The following PPP1R9A variants were observed in gnomAD, a reference collection of about 807,000 sequenced individuals.
The protein encoded by PPP1R9A is neurabin-1.
PPP1R9A carries 59 observed loss-of-function variants against 141.9 expected under a neutral mutation model. The ratio of observed to expected loss-of-function variants is 0.42; its 90% CI spans 0.34 to 0.52. The LOEUF (loss-of-function observed/expected upper bound fraction) is 0.52. Among genes scored for constraint, PPP1R9A ranks in the 20% least tolerant of loss-of-function variants. PPP1R9A has a pLI of 0.10. For missense variants in PPP1R9A, 1,444 were observed against 1,611.9 expected (o/e 0.90, Z 1.78); for synonymous variants, 500 against 569.7 (o/e 0.88, Z 1.74).
Position 95,294,461 on chromosome 7 carries a change from G to A in PPP1R9A, c.*4158G>A, listed in dbSNP as rs532772138. 1.4e-4 allele frequency: 22 copies of A among 151,764 alleles called. No individual in the cohort carries two copies. Among genetic ancestry groups the A allele is most frequent in the Non-Finnish European group, 3.1e-4 (21 of 67,982 alleles). 9.4% of individuals were successfully genotyped at this position (151,764 alleles called of 1,614,324 possible). On this transcript the variant is annotated 3_prime_UTR_variant, in exon 20 of 20. Coordinates refer to ENST00000433360, the MANE Select transcript of PPP1R9A (RefSeq NM_001166160.2). ...AACATCCATATTTTCTATTAGAATG[G>A]TTTACATTATGATGGGGGATGGGGA... is the stretch of plus-strand genomic sequence containing the variant.
intron 2 of PPP1R9A, among the ~76,000 whole-genome samples, chr7:95,088,453 A>G (rs1816916845): frequency 6.6e-6 from 1 of 151,950 alleles, no homozygotes; most frequent in South Asian, 2.1e-4. Flanking sequence ...GCACTGGGAA[A>G]ACCACCATGC....
At chr7:95,268,839 T>C in intron 13 of PPP1R9A, 132 bp downstream of exon 13, 1 of 1,056,900 alleles carries the variant, frequency 9.5e-7, no homozygotes, top group Non-Finnish European at 1.3e-6. Flanking sequence ...ATAGTTCACG[T>C]CTTTGTCTCC....
At chr7:95,113,575 A>C (rs1474635222) in intron 3 of PPP1R9A, among the ~76,000 whole-genome samples, 1 of 152,246 alleles carries the variant, frequency 6.6e-6, no homozygotes, top group Non-Finnish European at 1.5e-5. Flanking sequence ...AAGGCAAAAT[A>C]ATTAGACTAG....
At chr7:95,146,569 C>T (rs775291411) in intron 4 of PPP1R9A, among the ~76,000 whole-genome samples, 1 of 152,148 alleles carries the variant, frequency 6.6e-6, no homozygotes, top group African/African-American at 2.4e-5. Flanking sequence ...GAAGTCTTTG[C>T]TCATGCCTAT....
intron 2 of PPP1R9A, among the ~76,000 whole-genome samples, chr7:94,926,443 C>G (rs1793498607): frequency 6.6e-6 from 1 of 152,106 alleles, no homozygotes; most frequent in African/African-American, 2.4e-5. Context: ...TAATTAGTTG[C>G]AAGAAAATCT....
chr7:95,184,867 T>G (rs1263759371), intron 5 of PPP1R9A, among the ~76,000 whole-genome samples: 2 of 152,000 alleles, frequency 1.3e-5, no homozygotes, highest in African/African-American at 2.4e-5. Context: ...TATCCACTCA[T>G]TGATAGATGG....
At chr7:95,136,884 A>G (rs1267915650) in intron 4 of PPP1R9A, among the ~76,000 whole-genome samples, 2 of 152,172 alleles carry the variant, frequency 1.3e-5, no homozygotes, top group African/African-American at 4.8e-5. Context: ...AATACCACAC[A>G]ATATCTGGTA....
At chr7:95,022,313 C>G (rs1806098357) in intron 2 of PPP1R9A, among the ~76,000 whole-genome samples, 1 of 152,062 alleles carries the variant, frequency 6.6e-6, no homozygotes, top group South Asian at 2.1e-4. Flanking sequence ...ATTTTTGCAA[C>G]TTGATTTTTT....
At chr7:95,026,111 T>C (rs183901738) in intron 2 of PPP1R9A, among the ~76,000 whole-genome samples, 1 of 152,312 alleles carries the variant, frequency 6.6e-6, no homozygotes, top group African/African-American at 2.4e-5. Flanking sequence ...TTCAGTTTTG[T>C]TTTCTTGCTG....
At chr7:95,059,001 G>A (rs1208467759) in intron 2 of PPP1R9A, among the ~76,000 whole-genome samples, 1 of 152,058 alleles carries the variant, frequency 6.6e-6, no homozygotes, top group Non-Finnish European at 1.5e-5. Context: ...TGGTGGCCAG[G>A]CTGGTCTCGA....
intron 2 of PPP1R9A, among the ~76,000 whole-genome samples, chr7:94,948,137 G>A (rs908167573): frequency 6.6e-5 from 10 of 151,972 alleles, no homozygotes; most frequent in Admixed American, 2.0e-4. Flanking sequence ...TTCATATTCA[G>A]TATGGGTCCG....
intron 2 of PPP1R9A, among the ~76,000 whole-genome samples, chr7:95,104,099 C>A (rs1819186155): frequency 2.0e-5 from 3 of 152,160 alleles, no homozygotes; most frequent in African/African-American, 7.2e-5. Flanking sequence ...AAGTATGCTA[C>A]AAATAATTGG....
At chr7:95,156,246 A>G (rs1829590188) in intron 4 of PPP1R9A, 1 of 152,298 alleles carries the variant, frequency 6.6e-6, no homozygotes, top group Non-Finnish European at 1.5e-5. Flanking sequence ...CTGTGGCCAG[A>G]CCAGGTGCAC....
At chr7:94,957,258 G>A (rs1019794535) in intron 2 of PPP1R9A, among the ~76,000 whole-genome samples, 1 of 152,064 alleles carries the variant, frequency 6.6e-6, no homozygotes, top group Admixed American at 6.6e-5. Context: ...GGGACAGCCT[G>A]GACTTCAGTC....
chr7:94,991,721 G>C (rs906698788), intron 2 of PPP1R9A, among the ~76,000 whole-genome samples: 2 of 151,954 alleles, frequency 1.3e-5, no homozygotes, highest in African/African-American at 4.8e-5. Context: ...GCGTGGTCAT[G>C]GCTCACCGCA....
chr7:95,207,176 A>G (rs946685245), intron 7 of PPP1R9A, among the ~76,000 whole-genome samples: 4 of 152,260 alleles, frequency 2.6e-5, no homozygotes, highest in African/African-American at 9.6e-5. Flanking sequence ...AGGAAAATAA[A>G]GCACCATGAG....
rs138003723 is a variant in PPP1R9A at position 95,118,184 on chromosome 7, C to T, written c.1529-2528C>T. Among the ~76,000 whole-genome samples the T allele has an allele frequency of 4.0e-3, 604 of 152,274 alleles. 5 individuals carry two copies. Among genetic ancestry groups the T allele is most frequent in the African/African-American group, 0.014 (575 of 41,548 alleles). Reference sequence around the variant, plus strand: ...TCAGCACACATCTAACCTTCATGTACACAACAAATCTCTGTGTACGAAGAT... The same window carrying T: ...TCAGCACACATCTAACCTTCATGTATACAACAAATCTCTGTGTACGAAGAT... On this transcript the variant is annotated intron_variant, in intron 3 of 19. Coordinates refer to ENST00000433360, the MANE Select transcript of PPP1R9A (RefSeq NM_001166160.2).
At chr7:94,943,875 C>A (rs764789473) in intron 2 of PPP1R9A, among the ~76,000 whole-genome samples, 10 of 152,012 alleles carry the variant, frequency 6.6e-5, no homozygotes, top group Non-Finnish European at 1.3e-4. Flanking sequence ...AAATTGTGAC[C>A]TACATTTTAG....
intron 2 of PPP1R9A, among the ~76,000 whole-genome samples, chr7:95,058,545 T>C (rs1270217010): frequency 6.6e-6 from 1 of 152,020 alleles, no homozygotes; most frequent in Non-Finnish European, 1.5e-5. Flanking sequence ...GAAAGGGAGA[T>C]TGTGGACTAG....
Sources: allele counts gnomAD v4.1 joint callset (sites outside exome capture counted in the v4.1 genomes callset), GRCh38; gene constraint gnomAD v4.1.1; transcripts MANE v1.5; gene names NCBI Gene and HGNC (gene_info 2026-07-23, HGNC 2026-07-21).